The following NFASC variants were observed in gnomAD, a reference collection of about 807,000 sequenced individuals.
NFASC encodes neurofascin homolog.
In NFASC, 43 loss-of-function variants were observed where a neutral mutation model predicts 147.5. That is an observed-to-expected ratio of 0.29 (90% CI 0.23 to 0.38). The LOEUF is 0.38. Among genes scored for constraint, NFASC ranks in the 10% least tolerant of loss-of-function variants. The pLI is 1.00. For synonymous variants in NFASC, 622 were observed against 665.5 expected, an observed-to-expected ratio of 0.93 and a Z score of 1.01; for missense variants, 1,320 against 1,689.0, an observed-to-expected ratio of 0.78 and a Z score of 3.83.
intron 1 of NFASC, among the ~76,000 whole-genome samples, chr1:204,852,267 G>T (rs2075764333): frequency 6.6e-6 from 1 of 152,226 alleles, no homozygotes; most frequent in African/African-American, 2.4e-5. Flanking sequence ...GGGAGGCTGA[G>T]ATGGGTGGAT....
At chr1:204,988,896 G>A in intron 23 of NFASC, 90 bp downstream of exon 23, 1 of 1,289,284 alleles carries the variant, frequency 7.8e-7, no homozygotes, top group South Asian at 1.2e-5. Flanking sequence ...GGCTGCCTGG[G>A]ATGGAGAGGA....
intron 1 of NFASC, among the ~76,000 whole-genome samples, chr1:204,880,916 AG>A (rs2080077979): frequency 6.6e-6 from 1 of 152,240 alleles, no homozygotes; most frequent in Non-Finnish European, 1.5e-5. Flanking sequence ...AAAGTGGATG[AG>A]GACACGTCTT....
intron 1 of NFASC, among the ~76,000 whole-genome samples, chr1:204,877,256 A>G (rs1405318841): frequency 6.6e-6 from 1 of 151,540 alleles, no homozygotes; most frequent in Non-Finnish European, 1.5e-5. Context: ...TCACTTTGGA[A>G]TGGAGACTTA....
chr1:204,901,699 G>C (rs553920834), intron 1 of NFASC, among the ~76,000 whole-genome samples: 4 of 152,114 alleles, frequency 2.6e-5, no homozygotes, highest in Admixed American at 6.6e-5. Context: ...AGGGGAGAGT[G>C]GGGGCAAGGG....
At chr1:205,012,757 A>T (rs1290840852) in intron 28 of NFASC, 40 bp from the exon 29 acceptor site, 1 of 1,478,534 alleles carries the variant, frequency 6.8e-7, no homozygotes, top group East Asian at 2.3e-5. Context: ...GCATGTACTT[A>T]ATCGTCGTGT....
chr1:204,987,326 A>G lies in NFASC; in HGVS notation c.2471-92A>G. ...GAGCATGGGGGTTGTCCAGAGGTCA[A>G]TGCCTTCATACTTGTGCTTTGTTTT... On this transcript the variant is annotated intron_variant, in intron 21 of 29. Transcript: ENST00000339876. The surrounding 1 kb of genome is among the most constrained non-coding windows in gnomAD (Gnocchi z 4.4). 1.6e-6 allele frequency: 2 copies of G among 1,266,466 alleles called. No homozygotes were observed. Among genetic ancestry groups the G allele is most frequent in the Non-Finnish European group, 2.2e-6 (2 of 893,758 alleles). 78.5% of individuals were successfully genotyped at this position (1,266,466 alleles called of 1,614,324 possible).
At chr1:204,889,914 A>G (rs1320174901) in intron 1 of NFASC, among the ~76,000 whole-genome samples, 2 of 152,254 alleles carry the variant, frequency 1.3e-5, no homozygotes, top group African/African-American at 4.8e-5. Context: ...GCACCATGCT[A>G]CTGCTTCAGA....
At position 204,973,968 on chromosome 1, in the gene NFASC, T is replaced by C. The variant is rs73069135; in HGVS notation, c.1280-211T>C. On this transcript the variant is annotated intron_variant, in intron 12 of 29. Coordinates refer to ENST00000339876, the MANE Select transcript of NFASC (RefSeq NM_001005388.3). ...ACCCTTTGCAAAAGCTGGATTTGGA[T>C]GTAGGGTAGGTTGAGGGCAGAGGAC... Among the ~76,000 whole-genome samples, 1,253 of 152,208 alleles carry C rather than the reference T, an allele frequency of 8.2e-3. 8 individuals carry two copies. Among genetic ancestry groups the C allele is most frequent in the African/African-American group, 0.029 (1,198 of 41,514 alleles).
intron 28 of NFASC, among the ~76,000 whole-genome samples, chr1:205,012,216 C>T (rs896095460): frequency 6.6e-6 from 1 of 152,234 alleles, no homozygotes; most frequent in African/African-American, 2.4e-5. Context: ...CGGCTGAATG[C>T]TCACACATCA....
chr1:204,899,367 C>G (rs983850958), intron 1 of NFASC, among the ~76,000 whole-genome samples: 1 of 152,198 alleles, frequency 6.6e-6, no homozygotes, highest in Non-Finnish European at 1.5e-5. Context: ...GCTCATAGCC[C>G]TGGCAAGAGA....
intron 16 of NFASC, chr1:204,977,164 T>G (rs1167678290): frequency 9.2e-7 from 1 of 1,087,396 alleles, no homozygotes; most frequent in Non-Finnish European, 1.1e-6. Flanking sequence ...TTTGTGTTTG[T>G]GCTTCCAATG....
intron 25 of NFASC, chr1:205,000,407 TCTC>T (rs942687127): frequency 6.6e-6 from 1 of 152,466 alleles, no homozygotes; most frequent in African/African-American, 2.4e-5. Context: ...GGATCACCAT[TCTC>T]CTCCAGCTTC....
intron 1 of NFASC, among the ~76,000 whole-genome samples, chr1:204,908,169 A>G (rs994751626): frequency 2.0e-5 from 3 of 152,020 alleles, no homozygotes; most frequent in Non-Finnish European, 4.4e-5. Context: ...TTTTGTAGAG[A>G]CAGGGTTTCA....
intron 21 of NFASC, among the ~76,000 whole-genome samples, chr1:204,983,864 C>T (rs896971487): frequency 3.3e-5 from 5 of 152,118 alleles, no homozygotes; most frequent in African/African-American, 1.2e-4. Context: ...CTGAGCCTTC[C>T]CCACCACTTT....
chr1:204,919,181 C>T (rs543266943), intron 1 of NFASC, among the ~76,000 whole-genome samples: 46 of 152,158 alleles, frequency 3.0e-4, no homozygotes, highest in African/African-American at 1.1e-3. Flanking sequence ...TAAGCCACAA[C>T]GCCTGGCTAA....
At position 204,968,661 on chromosome 1, in the gene NFASC, A is replaced by C. The variant is rs1340052695; in HGVS notation, c.819-137A>C. ...GGCTGAGCATCCTCCTCTGCACAGGAAAGATCAGCTTTTAGAGGACATGCA... is the reference window on the plus strand; with the variant it reads ...GGCTGAGCATCCTCCTCTGCACAGGCAAGATCAGCTTTTAGAGGACATGCA... On this transcript the variant is annotated intron_variant, in intron 9 of 29. Transcript: ENST00000339876. This position sits in a 1 kb window ranked among gnomAD's most constrained non-coding sequence, Gnocchi z 5.4. 1.3e-6 allele frequency: 1 copy of C among 758,688 alleles called. No individual in the cohort carries two copies. Among genetic ancestry groups the C allele is most frequent in the East Asian group, 2.7e-5 (1 of 37,094 alleles). The allele number at this position is 758,688 out of a possible 1,614,324, so 47.0% of individuals were successfully genotyped here.
At position 204,988,777 on chromosome 1, in the gene NFASC, C is replaced by T. The variant is rs376788903; in HGVS notation, c.2738C>T (p.Thr913Ile). 89 of 1,614,092 alleles carry T rather than the reference C, an allele frequency of 5.5e-5. No individual in the cohort carries two copies. In the South Asian group the frequency reaches 7.5e-4, roughly 14 times the overall value. ...CAGGTGGGCTCTGGGGAAGCCGTCA[C>T]AGAGGAGTCACCAGCACCCCCGAAT... is the stretch of plus-strand genomic sequence containing the variant. Reference protein sequence around the residue: ...RTQVGSGEAVTEESPAPPNEA... With the variant: ...RTQVGSGEAVIEESPAPPNEA... Residue 913 changes from threonine to isoleucine, a missense_variant, in exon 23 of 30, where the codon ACA (threonine) becomes ATA (isoleucine). Around this residue, in one of 3 missense-constraint regions of NFASC, gnomAD observed 981 missense variants for 1,289.5 expected, o/e 0.76. Transcript: ENST00000339876.
intron 8 of NFASC, among the ~76,000 whole-genome samples, chr1:204,964,026 G>A (rs889650946): frequency 2.6e-5 from 4 of 152,222 alleles, no homozygotes; most frequent in Non-Finnish European, 4.4e-5. Context: ...GGAGAATCTG[G>A]TCTGAGATTG....
chr1:204,832,168 C>T (rs1234383751), intron 1 of NFASC, among the ~76,000 whole-genome samples: 1 of 151,804 alleles, frequency 6.6e-6, no homozygotes, highest in African/African-American at 2.4e-5. Flanking sequence ...CAAGGTGAAC[C>T]CGGCTAGATG....
Sources: gnomAD v4.1 joint callset for allele counts (sites outside exome capture counted in the v4.1 genomes callset) on GRCh38, gnomAD v4.1.1 for gene constraint, gnomAD v4.1.1 regional missense constraint, Gnocchi (gnomAD v3.1) non-coding constraint, MANE v1.5 for transcripts, NCBI Gene and HGNC (gene_info 2026-07-23, HGNC 2026-07-21) for gene names.